The following MED13L variants were observed in gnomAD, a reference collection of about 807,000 sequenced individuals.
MED13L encodes mediator complex subunit 13L, also known as mediator of RNA polymerase II transcription subunit 13-like.
MED13L carries 7 observed loss-of-function variants against 220.9 expected under a neutral mutation model. The ratio of observed to expected loss-of-function variants is 0.03; its 90% CI spans 0.02 to 0.06. The LOEUF is 0.06. MED13L is among the 10% of genes least tolerant of loss of function. The probability of loss-of-function intolerance (pLI) is 1.00; values close to 1 mark genes in which losing one functional copy is unlikely to be tolerated. For missense variants in MED13L, 1,965 were observed against 2,760.5 expected, an observed-to-expected ratio of 0.71 and a Z score of 6.46; for synonymous variants, 1,011 against 1,015.2, an observed-to-expected ratio of 1.00 and a Z score of 0.08.
chr12:116,059,872 G>C (rs550549275), intron 4 of MED13L, among the ~76,000 whole-genome samples: 25 of 152,256 alleles, frequency 1.6e-4, no homozygotes, highest in African/African-American at 6.0e-4. Context: ...GAGGCACGGA[G>C]AAAAAGGCTT....
At chr12:116,253,469 T>C (rs944136925) in intron 1 of MED13L, among the ~76,000 whole-genome samples, 25 of 152,058 alleles carry the variant, frequency 1.6e-4, no homozygotes, top group African/African-American at 4.8e-4. Context: ...ACATTAACCA[T>C]GATACCAAAA....
intron 4 of MED13L, among the ~76,000 whole-genome samples, chr12:116,034,437 C>T (rs1238026275): frequency 6.6e-6 from 1 of 152,160 alleles, no homozygotes; most frequent in African/African-American, 2.4e-5. Context: ...GCGAGGCATA[C>T]ACCAGGAGAT....
intron 4 of MED13L, among the ~76,000 whole-genome samples, chr12:116,061,302 A>G (rs1328922578): frequency 6.6e-6 from 1 of 152,130 alleles, no homozygotes; most frequent in African/African-American, 2.4e-5. Flanking sequence ...TTATTTTTAA[A>G]TATAGAGTAG....
intron 2 of MED13L, among the ~76,000 whole-genome samples, chr12:116,126,251 A>G (rs1447518556): frequency 6.6e-6 from 1 of 152,226 alleles, no homozygotes; most frequent in African/African-American, 2.4e-5. Context: ...TAGGAAATAA[A>G]GGTCAGTTAT....
At chr12:116,137,980 C>T (rs978288547) in intron 2 of MED13L, among the ~76,000 whole-genome samples, 5 of 151,606 alleles carry the variant, frequency 3.3e-5, no homozygotes, top group African/African-American at 1.2e-4. Flanking sequence ...CCTCAGCCTC[C>T]CGAGTAGCTG....
At chr12:116,027,403 CAG>C (rs1300396151) in intron 4 of MED13L, among the ~76,000 whole-genome samples, 9 of 152,128 alleles carry the variant, frequency 5.9e-5, no homozygotes, top group African/African-American at 1.9e-4. Flanking sequence ...GCCGGGGTGA[CAG>C]AGAGACTCTG....
intron 1 of MED13L, among the ~76,000 whole-genome samples, chr12:116,263,962 G>A (rs927880851): frequency 6.6e-6 from 1 of 152,180 alleles, no homozygotes; most frequent in African/African-American, 2.4e-5. Flanking sequence ...TGAGAAGGCA[G>A]AGGTTCAAGC....
chr12:116,245,067 A>C (rs56911341), intron 1 of MED13L, among the ~76,000 whole-genome samples: 23,141 of 152,164 alleles, frequency 0.15, 1,973 homozygotes, highest in Middle Eastern at 0.22. Context: ...AATAAATGCA[A>C]ATGTATTCTC....
At chr12:116,004,046 A>G (rs1485987169) in intron 13 of MED13L, among the ~76,000 whole-genome samples, 1 of 152,224 alleles carries the variant, frequency 6.6e-6, no homozygotes, top group Non-Finnish European at 1.5e-5. Flanking sequence ...ACATTTCTTC[A>G]TTAAGCTTAA....
chr12:116,215,662 AC>A (rs1357821258), intron 2 of MED13L, among the ~76,000 whole-genome samples: 2 of 152,180 alleles, frequency 1.3e-5, no homozygotes, highest in African/African-American at 2.4e-5. Flanking sequence ...CCCTTTCCCT[AC>A]AGTGAAGTTG....
rs756802355 is a variant in MED13L, at chr12:116,012,890, A to G, written c.1187T>C (p.Met396Thr). 2 of 1,613,410 alleles carry G rather than the reference A, an allele frequency of 1.2e-6. No homozygotes were observed. Among genetic ancestry groups the G allele is most frequent in the Non-Finnish European group, 1.7e-6 (2 of 1,179,364 alleles). ...CTCTTCTTCAAGAGTTGGAGTTGACATTTGGCTCCTCCTAAAAGGGTTAAA... is the reference window on the plus strand; with the variant it reads ...CTCTTCTTCAAGAGTTGGAGTTGACGTTTGGCTCCTCCTAAAAGGGTTAAA... ...LNRTQSKRSQ[M>T]STPTLEEEPA... The change falls in exon 9 of 31, where the codon ATG becomes ACG. Residue 396 changes from methionine (M) to threonine (T), a missense_variant. Met to Thr is a moderately conservative substitution (Grantham distance 81). This residue lies in a region of MED13L where 818 missense variants were observed against 1,041.2 expected (regional missense o/e 0.79). Transcript: ENST00000281928.
intron 4 of MED13L, among the ~76,000 whole-genome samples, chr12:116,079,503 A>C (rs534432497): frequency 1.3e-5 from 2 of 152,034 alleles, no homozygotes; most frequent in Admixed American, 6.6e-5. Flanking sequence ...TCAGATTACG[A>C]GCATGAGCTG....
chr12:116,069,150 T>C (rs1245154283), intron 4 of MED13L, among the ~76,000 whole-genome samples: 1 of 152,088 alleles, frequency 6.6e-6, no homozygotes, highest in Non-Finnish European at 1.5e-5. Context: ...TGGAAGATAA[T>C]GCCAAAAGAA....
intron 19 of MED13L, among the ~76,000 whole-genome samples, chr12:115,984,872 T>A (rs894900541): frequency 3.9e-5 from 6 of 152,162 alleles, no homozygotes; most frequent in African/African-American, 1.4e-4. Flanking sequence ...ATCGCCTTTT[T>A]TTTTTTTAAA....
chr12:116,164,470 G>A (rs1392127892), intron 2 of MED13L, among the ~76,000 whole-genome samples: 1 of 152,122 alleles, frequency 6.6e-6, no homozygotes, highest in Non-Finnish European at 1.5e-5. Flanking sequence ...CTGAAACAGA[G>A]GCTGCTGCAG....
intron 4 of MED13L, among the ~76,000 whole-genome samples, chr12:116,091,604 T>A (rs1872219652): frequency 6.6e-6 from 1 of 152,224 alleles, no homozygotes; most frequent in Non-Finnish European, 1.5e-5. Context: ...TCAACAGTTT[T>A]GTGTTTTGCA....
chr12:116,259,775 T>A (rs531909320), intron 1 of MED13L, among the ~76,000 whole-genome samples: 1 of 152,198 alleles, frequency 6.6e-6, no homozygotes, highest in South Asian at 2.1e-4. Context: ...GAAGTTACCT[T>A]CCTGAAGGTG....
chr12:116,222,013 C>T (rs1042399163), intron 2 of MED13L, among the ~76,000 whole-genome samples: 2 of 152,066 alleles, frequency 1.3e-5, no homozygotes, highest in Non-Finnish European at 2.9e-5. Context: ...ATTGACAATG[C>T]TAGGTGGAAA....
intron 2 of MED13L, among the ~76,000 whole-genome samples, chr12:116,168,887 T>A (rs1470384225): frequency 6.6e-6 from 1 of 152,194 alleles, no homozygotes; most frequent in Non-Finnish European, 1.5e-5. Flanking sequence ...TAATTAAAAA[T>A]TTAATATCTA....
Sources: allele counts gnomAD v4.1 joint callset (sites outside exome capture counted in the v4.1 genomes callset), GRCh38; gene constraint gnomAD v4.1.1; regional missense constraint gnomAD v4.1.1; transcripts MANE v1.5; gene names NCBI Gene and HGNC (gene_info 2026-07-23, HGNC 2026-07-21).